NPSR1: variants seen among roughly 807,000 people sequenced by gnomAD.
The protein encoded by NPSR1 is neuropeptide S receptor 1, also known as neuropeptide S receptor.
A neutral mutation model predicts 46.9 loss-of-function variants in NPSR1; 48 were observed. The observed-to-expected ratio is 1.02, with a 90% CI of 0.81 to 1.30. The LOEUF is 1.30. NPSR1 is among the 50% of genes most tolerant of loss of function. The probability of loss-of-function intolerance (pLI) is 0.00; values close to 1 mark genes in which losing one functional copy is unlikely to be tolerated. For synonymous variants in NPSR1, 176 were observed against 168.1 expected (o/e 1.05, Z -0.36); for missense variants, 450 against 449.5 (o/e 1.00, Z -0.01).
intron 1 of NPSR1, chr7:34,660,288 C>A: frequency 2.3e-6 from 1 of 438,330 alleles, no homozygotes. Context: ...TTGAGAGATA[C>A]GTGTATTGAC....
chr7:34,701,191 A>G (rs1793811407), intron 2 of NPSR1, among the ~76,000 whole-genome samples: 1 of 152,212 alleles, frequency 6.6e-6, no homozygotes, highest in Non-Finnish European at 1.5e-5. Context: ...AGCTGATAGC[A>G]CTTCAACAGC....
intron 4 of NPSR1, among the ~76,000 whole-genome samples, chr7:34,813,453 G>T: frequency 6.6e-6 from 1 of 152,258 alleles, no homozygotes; most frequent in South Asian, 2.1e-4. Context: ...TAGCTCCAGC[G>T]CCCTCAAATG....
chr7:34,692,324 T>TA (rs1245383556), intron 2 of NPSR1, among the ~76,000 whole-genome samples: 3 of 151,836 alleles, frequency 2.0e-5, no homozygotes, highest in Non-Finnish European at 2.9e-5. Flanking sequence ...CTCAATAAAT[T>TA]AAAAAAAACT....
chr7:34,716,205 C>T (rs1376842065), intron 2 of NPSR1, among the ~76,000 whole-genome samples: 9 of 152,014 alleles, frequency 5.9e-5, no homozygotes, highest in South Asian at 4.2e-4. Context: ...AGAGTCTTGC[C>T]GCTTGGACCG....
chr7:34,872,620 G>C (rs1006630765), intron 8 of NPSR1, among the ~76,000 whole-genome samples: 2 of 151,798 alleles, frequency 1.3e-5, no homozygotes, highest in Non-Finnish European at 2.9e-5. Context: ...GTTCCACATG[G>C]CTGGGGAGGC....
chr7:34,750,750 T>C, intron 2 of NPSR1: 1 of 694,430 alleles, frequency 1.4e-6, no homozygotes, highest in African/African-American at 1.8e-5. Flanking sequence ...CCTTGCTCTG[T>C]GAGGGGCAGC....
chr7:34,793,152 C>T (rs1232401414), intron 3 of NPSR1, among the ~76,000 whole-genome samples: 1 of 151,894 alleles, frequency 6.6e-6, no homozygotes, highest in African/African-American at 2.4e-5. Context: ...CATAGTGAGA[C>T]CCCCATCTAG....
At chr7:34,792,888 C>G (rs1037994584) in intron 3 of NPSR1, among the ~76,000 whole-genome samples, 1 of 147,476 alleles carries the variant, frequency 6.8e-6, no homozygotes, top group African/African-American at 2.5e-5. Flanking sequence ...TGTCTCAAAA[C>G]AAACAAACAA....
chr7:34,670,590 A>T (rs906826333), intron 1 of NPSR1, among the ~76,000 whole-genome samples: 1 of 150,944 alleles, frequency 6.6e-6, no homozygotes. Flanking sequence ...TAAATATATA[A>T]TATTATAGCT....
At chr7:34,727,771 A>G (rs1478148590) in intron 2 of NPSR1, among the ~76,000 whole-genome samples, 1 of 152,224 alleles carries the variant, frequency 6.6e-6, no homozygotes, top group African/African-American at 2.4e-5. Context: ...AGAGCAGTCT[A>G]TTAAATACAA....
At chr7:34,820,610 C>A (rs1366925369) in intron 4 of NPSR1, among the ~76,000 whole-genome samples, 1 of 152,066 alleles carries the variant, frequency 6.6e-6, no homozygotes, top group African/African-American at 2.4e-5. Context: ...AGAATATGTG[C>A]CCAAGGTGGT....
chr7:34,711,015 G>A (rs1783255499), intron 2 of NPSR1: 3 of 343,374 alleles, frequency 8.7e-6, no homozygotes, highest in Admixed American at 3.3e-5. Context: ...CCTGCAGAAC[G>A]CAAATTGGCA....
intron 8 of NPSR1, among the ~76,000 whole-genome samples, chr7:34,876,700 G>T (rs183869322): frequency 1.3e-5 from 2 of 152,294 alleles, no homozygotes; most frequent in African/African-American, 4.8e-5. Flanking sequence ...CTCTAATCAT[G>T]GAAATGGTAT....
intron 6 of NPSR1, among the ~76,000 whole-genome samples, chr7:34,842,818 C>T (rs922772991): frequency 5.9e-5 from 9 of 152,338 alleles, no homozygotes; most frequent in African/African-American, 9.6e-5. Flanking sequence ...GGCCTGCGGC[C>T]GCCTCAGGAG....
intron 3 of NPSR1, among the ~76,000 whole-genome samples, chr7:34,791,455 T>C (rs987461878): frequency 6.6e-6 from 1 of 150,732 alleles, no homozygotes; most frequent in Non-Finnish European, 1.5e-5. Context: ...TAGAATCTAT[T>C]TACAATAACT....
chr7:34,755,978 A>G (rs1412647171), intron 2 of NPSR1, among the ~76,000 whole-genome samples: 1 of 152,262 alleles, frequency 6.6e-6, no homozygotes, highest in Non-Finnish European at 1.5e-5. Flanking sequence ...GTGCAAAACC[A>G]TACAACTAGC....
chr7:34,758,331 C>G (rs1785984117), intron 2 of NPSR1: 1 of 152,144 alleles, frequency 6.6e-6, no homozygotes, highest in Non-Finnish European at 1.5e-5. Flanking sequence ...AGCCCACTTG[C>G]TGAATCTCTC....
At chr7:34,769,832 C>G (rs149657594) in intron 2 of NPSR1, among the ~76,000 whole-genome samples, 18 of 152,294 alleles carry the variant, frequency 1.2e-4, no homozygotes, top group Middle Eastern at 3.4e-3. Context: ...TTCCTAAGAT[C>G]TTTCACAGGA....
At position 34,658,314 on chromosome 7, in the gene NPSR1, C is replaced by A; in HGVS notation, c.-99C>A. 1 of 1,382,104 alleles carries A rather than the reference C, an allele frequency of 7.2e-7. No individual in the cohort carries two copies. The highest frequency in any genetic ancestry group is 1.0e-6 in the Non-Finnish European group (1 of 994,268). The allele number at this position is 1,382,104 out of a possible 1,614,324, so 85.6% of individuals were successfully genotyped here. ...TCAGGGAGGGCTCTGTGCCTCCGTT[C>A]AGCAGAGCTGCAGCTGCTGCCCAGC... is the stretch of plus-strand genomic sequence containing the variant. On this transcript the variant is annotated 5_prime_UTR_variant, in exon 1 of 9. Coordinates refer to ENST00000360581, the MANE Select transcript of NPSR1 (RefSeq NM_207172.2).
Sources: gnomAD v4.1 joint callset for allele counts (sites outside exome capture counted in the v4.1 genomes callset) on GRCh38, gnomAD v4.1.1 for gene constraint, MANE v1.5 for transcripts, NCBI Gene and HGNC (gene_info 2026-07-23, HGNC 2026-07-21) for gene names.